The following USH2A variants were observed in gnomAD, a reference collection of about 807,000 sequenced individuals.
USH2A encodes the protein usherin, also known as Usher syndrome 2A (autosomal recessive, mild).
Under a neutral mutation model 538.9 loss-of-function variants are expected in USH2A, and 443 were observed. The ratio of observed to expected loss-of-function variants is 0.82; its 90% CI spans 0.76 to 0.89. The LOEUF (loss-of-function observed/expected upper bound fraction) is 0.89, where lower values mean the gene tolerates loss of function less well. Among genes scored for constraint, USH2A ranks in the 40% least tolerant of loss-of-function variants. USH2A has a pLI of 0.00. For synonymous variants in USH2A, 2,413 were observed against 2,273.5 expected, an observed-to-expected ratio of 1.06 and a Z score of -1.75; for missense variants, 6,633 against 6,324.8, an observed-to-expected ratio of 1.05 and a Z score of -1.65.
intron 11 of USH2A, among the ~76,000 whole-genome samples, chr1:216,280,395 A>G (rs2036751218): frequency 6.6e-6 from 1 of 151,400 alleles, no homozygotes; most frequent in East Asian, 1.9e-4. Flanking sequence ...AAAAATACAG[A>G]CAAAAGAAAA....
intron 3 of USH2A, among the ~76,000 whole-genome samples, chr1:216,415,260 G>T (rs2039557487): frequency 6.6e-6 from 1 of 152,038 alleles, no homozygotes; most frequent in Non-Finnish European, 1.5e-5. Context: ...TGTTCATCTA[G>T]TTCAATCTTC....
At chr1:216,157,956 A>C (rs1433428844) in intron 21 of USH2A, among the ~76,000 whole-genome samples, 1 of 148,416 alleles carries the variant, frequency 6.7e-6, no homozygotes, top group African/African-American at 2.4e-5. Flanking sequence ...AATAAATGTT[A>C]AAATGAAAAA....
intron 55 of USH2A, among the ~76,000 whole-genome samples, chr1:215,769,149 A>G (rs1661213404): frequency 6.6e-6 from 1 of 152,244 alleles, no homozygotes; most frequent in Non-Finnish European, 1.5e-5. Flanking sequence ...TTTGTGGGCA[A>G]TACACATATT....
intron 21 of USH2A, among the ~76,000 whole-genome samples, chr1:216,138,309 G>T (rs573904205): frequency 6.6e-6 from 1 of 152,106 alleles, no homozygotes; most frequent in African/African-American, 2.4e-5. Flanking sequence ...GCATTCAGTT[G>T]AATAAAGGCA....
chr1:216,292,386 T>C lies in USH2A; in HGVS notation c.1645-16A>G. The C allele has an allele frequency of 4.3e-6, 7 of 1,612,672 alleles. No individual in the cohort carries two copies. Among genetic ancestry groups the C allele is most frequent in the African/African-American group, 1.3e-5 (1 of 74,998 alleles). On this transcript the variant is annotated splice_polypyrimidine_tract_variant and intron_variant, in intron 9 of 71. Transcript: ENST00000307340. ...AGCGATCACACTAGAACAAAAAATA[T>C]CAGAACAGTAAAGAAAATAAAGCTG...
At chr1:216,154,039 T>TG (rs1395632241) in intron 21 of USH2A, among the ~76,000 whole-genome samples, 1 of 152,232 alleles carries the variant, frequency 6.6e-6, no homozygotes, top group African/African-American at 2.4e-5. Context: ...ATATAAGCTA[T>TG]GAAAAATACA....
intron 4 of USH2A, among the ~76,000 whole-genome samples, chr1:216,335,170 G>A (rs748331539): frequency 6.6e-6 from 1 of 151,642 alleles, no homozygotes; most frequent in Non-Finnish European, 1.5e-5. Flanking sequence ...TAACAAATGT[G>A]TGAAAATTAA....
At chr1:216,166,058 A>G (rs540072777) in intron 21 of USH2A, among the ~76,000 whole-genome samples, 17 of 152,170 alleles carry the variant, frequency 1.1e-4, no homozygotes, top group Admixed American at 1.0e-3. Flanking sequence ...TCTTAATAGA[A>G]TGCGGTAAGA....
intron 49 of USH2A, among the ~76,000 whole-genome samples, chr1:215,806,478 G>A (rs1353774890): frequency 1.3e-5 from 2 of 151,916 alleles, no homozygotes; most frequent in Non-Finnish European, 2.9e-5. Flanking sequence ...AGATCCTCTG[G>A]GGCAAAAACT....
intron 3 of USH2A, among the ~76,000 whole-genome samples, chr1:216,377,819 G>GAAATAA (rs1307134072): frequency 2.3e-4 from 4 of 17,682 alleles, no homozygotes; most frequent in Non-Finnish European, 5.4e-4. Flanking sequence ...AAGAAAGAAA[G>GAAATAA]AAAGAAAGAA....
intron 14 of USH2A, among the ~76,000 whole-genome samples, chr1:216,231,259 A>AATATATATATATTATATATATAAT (rs2035679571): frequency 1.0e-5 from 1 of 98,114 alleles, no homozygotes; most frequent in African/African-American, 3.6e-5. Flanking sequence ...TTATATATAT[A>AATATATATATATTATATATATAAT]ATATATATAT....
chr1:216,069,055 G>A (rs1007044615), intron 30 of USH2A, among the ~76,000 whole-genome samples: 3 of 152,068 alleles, frequency 2.0e-5, no homozygotes, highest in Non-Finnish European at 4.4e-5. Context: ...AGCTATTCTG[G>A]AAATACAGTA....
intron 3 of USH2A, among the ~76,000 whole-genome samples, chr1:216,393,794 G>A (rs2039154013): frequency 1.3e-5 from 2 of 152,132 alleles, no homozygotes; most frequent in South Asian, 4.1e-4. Context: ...ATTATGGAGG[G>A]GAGCCAGACC....
At chr1:215,731,779 T>C (rs985521210) in intron 60 of USH2A, among the ~76,000 whole-genome samples, 25 of 152,132 alleles carry the variant, frequency 1.6e-4, no homozygotes, top group Admixed American at 2.6e-4. Context: ...CAATGCACCA[T>C]AACAATTTTG....
intron 2 of USH2A, 35 bp from the exon 3 acceptor site, chr1:216,418,714 G>A (rs761948615): frequency 1.9e-6 from 3 of 1,609,914 alleles, no homozygotes; most frequent in African/African-American, 1.3e-5. Flanking sequence ...GAAAAGGTCA[G>A]CATCCAACCA....
intron 4 of USH2A, among the ~76,000 whole-genome samples, chr1:216,362,918 G>A (rs1447199681): frequency 3.3e-5 from 5 of 149,946 alleles, no homozygotes; most frequent in South Asian, 4.2e-4. Context: ...CAGCCTGGGC[G>A]ACAAGAGCGA....
At chr1:216,190,733 A>G (rs1046974969) in intron 19 of USH2A, among the ~76,000 whole-genome samples, 1 of 152,028 alleles carries the variant, frequency 6.6e-6, no homozygotes, top group Non-Finnish European at 1.5e-5. Context: ...GGGCTTGGCC[A>G]AAAGTAACCC....
intron 21 of USH2A, among the ~76,000 whole-genome samples, chr1:216,099,983 C>A (rs2032539556): frequency 6.6e-6 from 1 of 151,880 alleles, no homozygotes; most frequent in Admixed American, 6.6e-5. Context: ...AGAACAAGAG[C>A]CTTTAATGGA....
intron 20 of USH2A, among the ~76,000 whole-genome samples, chr1:216,186,213 T>C (rs1572029844): frequency 6.6e-6 from 1 of 151,438 alleles, no homozygotes; most frequent in Non-Finnish European, 1.5e-5. Flanking sequence ...AGAAAAATTT[T>C]AGCAAAGAAT....
Sources: allele counts gnomAD v4.1 joint callset (sites outside exome capture counted in the v4.1 genomes callset), GRCh38; gene constraint gnomAD v4.1.1; transcripts MANE v1.5; gene names NCBI Gene and HGNC (gene_info 2026-07-23, HGNC 2026-07-21).